SOX5: variants seen among roughly 807,000 people sequenced by gnomAD.
SOX5 encodes transcription factor SOX-5.
In SOX5, 9 loss-of-function variants were observed where a neutral mutation model predicts 92.0. The observed-to-expected ratio is 0.10, with a 90% confidence interval of 0.06 to 0.17. The LOEUF (loss-of-function observed/expected upper bound fraction) is 0.17, where lower values mean the gene tolerates loss of function less well. Ranked by LOEUF, SOX5 falls within the 10% of genes least tolerant of loss-of-function variation. SOX5 has a pLI of 1.00. For synonymous variants in SOX5, 344 were observed against 336.3 expected (o/e 1.02, Z -0.25); for missense variants, 642 against 944.5 (o/e 0.68, Z 4.20).
chr12:23,606,537 C>A (rs1470540656), intron 8 of SOX5, among the ~76,000 whole-genome samples: 3 of 151,624 alleles, frequency 2.0e-5, no homozygotes, highest in African/African-American at 2.4e-5. Flanking sequence ...ATATTACTGA[C>A]AAAATTATTG....
intron 4 of SOX5, among the ~76,000 whole-genome samples, chr12:24,185,060 T>C (rs1047404515): frequency 3.3e-5 from 5 of 152,086 alleles, no homozygotes; most frequent in Admixed American, 3.3e-4. Context: ...GCATTGACAG[T>C]GCTCACTGCC....
At chr12:23,657,430 G>A (rs1465720828) in intron 7 of SOX5, among the ~76,000 whole-genome samples, 2 of 152,020 alleles carry the variant, frequency 1.3e-5, no homozygotes, top group Non-Finnish European at 2.9e-5. Flanking sequence ...ATCTATTGTA[G>A]AGTTTGAAGC....
chr12:23,664,690 T>C (rs1329436113), intron 7 of SOX5, among the ~76,000 whole-genome samples: 3 of 152,140 alleles, frequency 2.0e-5, no homozygotes, highest in African/African-American at 7.2e-5. Flanking sequence ...ATAAGCAATA[T>C]AAACAGTTAT....
intron 8 of SOX5, among the ~76,000 whole-genome samples, chr12:23,627,591 C>A (rs1005293263): frequency 1.6e-4 from 24 of 151,912 alleles, no homozygotes; most frequent in African/African-American, 5.8e-4. Context: ...TTCGTGTGTG[C>A]CATGTCATTT....
chr12:23,979,702 T>G (rs1378358926), intron 4 of SOX5, among the ~76,000 whole-genome samples: 17 of 78,686 alleles, frequency 2.2e-4, no homozygotes, highest in South Asian at 1.5e-3. Context: ...ATATATGTTT[T>G]TTTTGTTTTT....
At chr12:24,174,512 G>T (rs950231605) in intron 4 of SOX5, among the ~76,000 whole-genome samples, 1 of 2,918 alleles carries the variant, frequency 3.4e-4, no homozygotes, top group African/African-American at 1.3e-3. Context: ...CAGAATGAGT[G>T]GGGGGGGGAA....
intron 9 of SOX5, chr12:23,582,067 T>C (rs1950116188): frequency 1.3e-6 from 1 of 771,364 alleles, no homozygotes; most frequent in Admixed American, 6.2e-5. Context: ...ATCATGCTGC[T>C]GCTATTATCC....
chr12:23,592,933 G>A (rs892571882), intron 9 of SOX5, among the ~76,000 whole-genome samples: 1 of 151,886 alleles, frequency 6.6e-6, no homozygotes. Flanking sequence ...ACAAAAATTA[G>A]CTGGGTGTGG....
intron 11 of SOX5, among the ~76,000 whole-genome samples, chr12:23,558,596 G>A (rs1485603470): frequency 6.7e-6 from 1 of 150,326 alleles, no homozygotes. Context: ...TGATAAAAAT[G>A]AATCACTACT....
chr12:24,544,347 G>C (rs1427747756), intron 1 of SOX5, among the ~76,000 whole-genome samples: 1 of 152,052 alleles, frequency 6.6e-6, no homozygotes, highest in Non-Finnish European at 1.5e-5. Context: ...TTTTTCTATT[G>C]CTGAGATGAC....
chr12:24,306,014 A>C (rs1565870743), intron 2 of SOX5, among the ~76,000 whole-genome samples: 1 of 152,204 alleles, frequency 6.6e-6, no homozygotes, highest in Non-Finnish European at 1.5e-5. Flanking sequence ...GGTTCTGCCC[A>C]AGGAACGTGA....
intron 3 of SOX5, among the ~76,000 whole-genome samples, chr12:23,782,543 A>T (rs2095302396): frequency 5.9e-5 from 9 of 152,182 alleles, no homozygotes; most frequent in Admixed American, 5.9e-4. Context: ...CAGAGGAAAG[A>T]GGAAGAACAG....
chr12:24,478,845 T>C (rs1566266284), intron 1 of SOX5, among the ~76,000 whole-genome samples: 2 of 152,224 alleles, frequency 1.3e-5, no homozygotes, highest in Non-Finnish European at 2.9e-5. Context: ...TCTACTTATA[T>C]ATGCCAAATG....
chr12:24,375,454 G>A (rs1957164123), intron 1 of SOX5, among the ~76,000 whole-genome samples: 1 of 151,966 alleles, frequency 6.6e-6, no homozygotes, highest in African/African-American at 2.4e-5. Flanking sequence ...CGAGAATAAG[G>A]CCGGGTGCGG....
At chr12:24,557,251 G>T (rs1398111276) in intron 1 of SOX5, among the ~76,000 whole-genome samples, 4 of 151,908 alleles carry the variant, frequency 2.6e-5, no homozygotes, top group African/African-American at 9.7e-5. Flanking sequence ...AGCTGGGTGT[G>T]GCCGCGCATG....
intron 3 of SOX5, among the ~76,000 whole-genome samples, chr12:23,810,159 ATC>A (rs2095852168): frequency 1.3e-5 from 2 of 152,162 alleles, no homozygotes; most frequent in African/African-American, 4.8e-5. Context: ...TCTTTATGAT[ATC>A]TCGCCTTTTT....
chr12:23,779,814 T>TATATATATATATACACAC lies in SOX5; in HGVS notation c.482-24091_482-24090insGTGTGTATATATATATAT, dbSNP rs777013504. ...ATATATATATATATATATATATATA[T>TATATATATATATACACAC]ACACACACACACACACACACACACA... On this transcript the variant is annotated intron_variant, in intron 3 of 14. Transcript: ENST00000451604. Among the ~76,000 whole-genome samples, 12 of 110,794 alleles carry TATATATATATATACACAC rather than the reference T, an allele frequency of 1.1e-4. 1 individual carries two copies. Among genetic ancestry groups the TATATATATATATACACAC allele is most frequent in the African/African-American group, 3.3e-4 (9 of 27,052 alleles). The allele number at this position is 110,794 out of a possible 152,430, so 72.7% of individuals were successfully genotyped here. A position where few individuals can be genotyped will look rare whatever the true frequency, so the allele number is the denominator to read the frequency against.
At chr12:23,856,257 T>C (rs1009846991) in intron 2 of SOX5, among the ~76,000 whole-genome samples, 9 of 152,110 alleles carry the variant, frequency 5.9e-5, no homozygotes, top group African/African-American at 1.9e-4. Context: ...ATTCATGTAG[T>C]TTACACGAGC....
At chr12:24,178,612 A>G (rs1171040417) in intron 4 of SOX5, among the ~76,000 whole-genome samples, 1 of 152,234 alleles carries the variant, frequency 6.6e-6, no homozygotes, top group East Asian at 1.9e-4. Flanking sequence ...AACATTATGT[A>G]GGCCAGATTT....
Sources: gnomAD v4.1 joint callset for allele counts (sites outside exome capture counted in the v4.1 genomes callset) on GRCh38, gnomAD v4.1.1 for gene constraint, MANE v1.5 for transcripts, NCBI Gene and HGNC (gene_info 2026-07-23, HGNC 2026-07-21) for gene names.